The following ACSS3 variants were observed in gnomAD, a reference collection of about 807,000 sequenced individuals.
ACSS3 encodes acyl-CoA synthetase short chain family member 3, also known as acyl-CoA synthetase short-chain family member 3, mitochondrial.
Under a neutral mutation model 84.2 loss-of-function variants are expected in ACSS3, and 64 were observed. The ratio of observed to expected loss-of-function variants is 0.76; its 90% CI spans 0.62 to 0.94. The LOEUF (loss-of-function observed/expected upper bound fraction) is 0.94, where lower values mean the gene tolerates loss of function less well. Ranked by LOEUF, ACSS3 falls within the 40% of genes least tolerant of loss-of-function variation. ACSS3 has a pLI of 0.00. For synonymous variants in ACSS3, 317 were observed against 310.1 expected, an observed-to-expected ratio of 1.02 and a Z score of -0.23; for missense variants, 815 against 867.6, an observed-to-expected ratio of 0.94 and a Z score of 0.76.
intron 7 of ACSS3, among the ~76,000 whole-genome samples, chr12:81,161,393 C>G (rs1398485436): frequency 6.6e-6 from 1 of 152,154 alleles, no homozygotes; most frequent in Non-Finnish European, 1.5e-5. Context: ...AAAGTGAACT[C>G]GAAGGCTTTA....
At position 81,259,753 on chromosome 12, in the gene ACSS3, G is replaced by C; in HGVS notation, c.*4831G>C. Reference sequence around the variant, plus strand: ...TCTGTGGTGTACCTCCACGCAGCCTGCTTACTCCTGTCCTAGAAGATCATG... The same window carrying C: ...TCTGTGGTGTACCTCCACGCAGCCTCCTTACTCCTGTCCTAGAAGATCATG... On this transcript the variant is annotated 3_prime_UTR_variant, in exon 16 of 16. Transcript: ENST00000548058. 3 of 1,048,758 alleles carry C rather than the reference G, an allele frequency of 2.9e-6. No homozygotes were observed. In the South Asian group the frequency reaches 4.3e-5, roughly 15 times the overall value. The allele number at this position is 1,048,758 out of a possible 1,614,324, so 65.0% of individuals were successfully genotyped here. A position where few individuals can be genotyped will look rare whatever the true frequency, so the allele number is the denominator to read the frequency against.
chr12:81,253,286 G>A (rs2895868), intron 13 of ACSS3, 21 bp from the exon 14 acceptor site: 700,931 of 1,597,276 alleles, frequency 0.44, 164,127 homozygotes, highest in Non-Finnish European at 0.49. Context: ...TATTCTAAAT[G>A]AATGCCTTTC....
intron 9 of ACSS3, chr12:81,199,750 G>T: frequency 8.4e-7 from 1 of 1,194,046 alleles, no homozygotes; most frequent in Non-Finnish European, 1.1e-6. Context: ...TGAAGTGTCT[G>T]TTGGGTTCAT....
intron 11 of ACSS3, among the ~76,000 whole-genome samples, chr12:81,227,611 T>C (rs2033314879): frequency 6.6e-6 from 1 of 151,904 alleles, no homozygotes; most frequent in South Asian, 2.1e-4. Flanking sequence ...GGTACGTTGG[T>C]CACACAGCAT....
In ACSS3 at chr12:81,260,759, G is replaced by A. The variant is rs953897862; in HGVS notation, c.*5837G>A. The A allele has an allele frequency of 2.6e-5, 4 of 152,182 alleles. No homozygotes were observed. Among genetic ancestry groups the A allele is most frequent in the African/African-American group, 9.7e-5 (4 of 41,450 alleles). The allele number at this position is 152,182 out of a possible 1,614,324, so 9.4% of individuals were successfully genotyped here. A position where few individuals can be genotyped will look rare whatever the true frequency, so the allele number is the denominator to read the frequency against. On this transcript the variant is annotated 3_prime_UTR_variant, in exon 16 of 16. Transcript: ENST00000548058. Reference sequence around the variant, plus strand: ...AGGCAATGAAAACAGCACAAGGTGAGTTGTTCCTCTGTCTATAACTGTTTT... The same window carrying A: ...AGGCAATGAAAACAGCACAAGGTGAATTGTTCCTCTGTCTATAACTGTTTT...
At chr12:81,118,395 A>G (rs569359574) in intron 2 of ACSS3, among the ~76,000 whole-genome samples, 27 of 152,288 alleles carry the variant, frequency 1.8e-4, no homozygotes, top group African/African-American at 6.3e-4. Context: ...TGGCAAAGAT[A>G]TGTATGTCCC....
rs1417806573 is a variant in ACSS3 at position 81,241,008 on chromosome 12, C to A, written c.1719+7537C>A. On this transcript the variant is annotated intron_variant, in intron 13 of 15. Transcript: ENST00000548058. ...CCCCTCCCCCCACCCCACAACAGTC[C>A]CCATGTGTGATGTTCCCCTTCCTGC... is the stretch of plus-strand genomic sequence containing the variant. Among the ~76,000 whole-genome samples the A allele has an allele frequency of 3.9e-5, 5 of 127,882 alleles. No individual in the cohort carries two copies. In the East Asian group the frequency reaches 1.4e-3, roughly 36 times the overall value. The allele number at this position is 127,882 out of a possible 152,430, so 83.9% of individuals were successfully genotyped here. A position where few individuals can be genotyped will look rare whatever the true frequency, so the allele number is the denominator to read the frequency against.
In ACSS3 at chr12:81,226,990, C is replaced by T. The variant is rs143812840; in HGVS notation, c.1515-4067C>T. 5.4e-3 allele frequency among the ~76,000 whole-genome samples: 609 copies of T among 111,774 alleles called. 9 individuals are homozygous for T. The highest frequency in any genetic ancestry group is 0.016 in the African/African-American group (528 of 33,200). 73.3% of individuals were successfully genotyped at this position (111,774 alleles called of 152,430 possible). Reference sequence around the variant, plus strand: ...ACACACACACACACACACACACACACATATATATATACATACACACATATC... The same window carrying T: ...ACACACACACACACACACACACACATATATATATATACATACACACATATC... On this transcript the variant is annotated intron_variant, in intron 11 of 15. Coordinates refer to ENST00000548058, the MANE Select transcript of ACSS3 (RefSeq NM_024560.4).
chr12:81,246,470 G>C (rs1231055819), intron 13 of ACSS3, among the ~76,000 whole-genome samples: 1 of 152,146 alleles, frequency 6.6e-6, no homozygotes, highest in East Asian at 1.9e-4. Context: ...CCTCGGGCCA[G>C]ATTATACAGA....
At chr12:81,189,359 A>C (rs2031447225) in intron 8 of ACSS3, among the ~76,000 whole-genome samples, 1 of 152,160 alleles carries the variant, frequency 6.6e-6, no homozygotes, top group Admixed American at 6.6e-5. Flanking sequence ...TCTTCACCAG[A>C]ACATGATATT....
At chr12:81,094,963 TCTC>T (rs1339496153) in intron 1 of ACSS3, among the ~76,000 whole-genome samples, 1 of 152,124 alleles carries the variant, frequency 6.6e-6, no homozygotes, top group African/African-American at 2.4e-5. Flanking sequence ...TTCTTCTCCT[TCTC>T]CTCATTTCCT....
At chr12:81,208,488 A>G (rs983519400) in intron 9 of ACSS3, among the ~76,000 whole-genome samples, 1 of 152,036 alleles carries the variant, frequency 6.6e-6, no homozygotes, top group Non-Finnish European at 1.5e-5. Flanking sequence ...CCAGACAATC[A>G]CCAAGACCTT....
chr12:81,169,146 G>A (rs183738675), intron 7 of ACSS3, among the ~76,000 whole-genome samples: 8 of 152,256 alleles, frequency 5.3e-5, no homozygotes, highest in Non-Finnish European at 1.2e-4. Flanking sequence ...ATGTTAGATG[G>A]TGGTGTGAAT....
At chr12:81,162,227 G>A (rs1275474593) in intron 7 of ACSS3, among the ~76,000 whole-genome samples, 2 of 152,196 alleles carry the variant, frequency 1.3e-5, no homozygotes, top group African/African-American at 2.4e-5. Flanking sequence ...TACGGTCTCT[G>A]AAGACATGAA....
chr12:81,089,230 T>C (rs1339752555), intron 1 of ACSS3, among the ~76,000 whole-genome samples: 2 of 151,980 alleles, frequency 1.3e-5, no homozygotes, highest in Non-Finnish European at 2.9e-5. Context: ...TTTCTTTATA[T>C]GTTAAGTTGT....
At position 81,129,270 on chromosome 12, in the gene ACSS3, C is replaced by A. The variant is rs548356221; in HGVS notation, c.457-5546C>A. 3.4e-3 allele frequency among the ~76,000 whole-genome samples: 516 copies of A among 152,102 alleles called. 2 individuals carry two copies. The highest frequency in any genetic ancestry group is 6.8e-3 in the Middle Eastern group (2 of 294). On this transcript the variant is annotated intron_variant, in intron 2 of 15. Coordinates refer to ENST00000548058, the MANE Select transcript of ACSS3 (RefSeq NM_024560.4). ...TCACACTTTCTGTATGGTTAGGGAA[C>A]TATGGTGTAAGCATATAACATAAAA...
intron 1 of ACSS3, among the ~76,000 whole-genome samples, chr12:81,102,298 T>C (rs1416592654): frequency 1.3e-5 from 2 of 152,156 alleles, no homozygotes; most frequent in Non-Finnish European, 1.5e-5. Flanking sequence ...CCGGAAGTCA[T>C]ATAGAGCCTT....
rs1278197350 is a variant in ACSS3, at chr12:81,258,068, C to CT, written c.*3148dup. The CT allele has an allele frequency of 6.6e-6, 1 of 152,036 alleles. No homozygotes were observed. Among genetic ancestry groups the CT allele is most frequent in the African/African-American group, 2.4e-5 (1 of 41,426 alleles). 9.4% of individuals were successfully genotyped at this position (152,036 alleles called of 1,614,324 possible). ...ATGTTTAGATGAGCTTAGAAAGCTA[C>CT]TTCTCATTGTTCCTACTCAGGCCAC... On this transcript the variant is annotated 3_prime_UTR_variant, in exon 16 of 16. Transcript: ENST00000548058.
At chr12:81,153,498 T>C (rs1699867756) in intron 7 of ACSS3, among the ~76,000 whole-genome samples, 1 of 152,128 alleles carries the variant, frequency 6.6e-6, no homozygotes, top group African/African-American at 2.4e-5. Flanking sequence ...TATTTTGATG[T>C]TTAAAAAGTT....
Sources: allele counts gnomAD v4.1 joint callset (sites outside exome capture counted in the v4.1 genomes callset), GRCh38; gene constraint gnomAD v4.1.1; transcripts MANE v1.5; gene names NCBI Gene and HGNC (gene_info 2026-07-23, HGNC 2026-07-21).